Variants in FARS2 observed in about 807,000 individuals in gnomAD.
FARS2 encodes phenylalanyl-tRNA synthetase 2, mitochondrial, also known as phenylalanine--tRNA ligase, mitochondrial.
FARS2 carries 40 observed loss-of-function variants against 46.4 expected under a neutral mutation model. That is an observed-to-expected ratio of 0.86 (90% CI 0.67 to 1.12). FARS2 has a LOEUF of 1.12. Among genes scored for constraint, FARS2 ranks in the 50% most tolerant of loss-of-function variants. The probability of loss-of-function intolerance (pLI) is 0.00; values close to 1 mark genes in which losing one functional copy is unlikely to be tolerated. For missense variants in FARS2, 513 were observed against 567.9 expected (o/e 0.90, Z 0.98); for synonymous variants, 234 against 214.9 (o/e 1.09, Z -0.78).
chr6:5,608,355 G>A (rs192170912), intron 5 of FARS2, among the ~76,000 whole-genome samples: 1 of 152,280 alleles, frequency 6.6e-6, no homozygotes, highest in Non-Finnish European at 1.5e-5. Flanking sequence ...GGTTAGACCT[G>A]TGATGAGACA....
intron 6 of FARS2, among the ~76,000 whole-genome samples, chr6:5,623,719 A>T (rs569794218): frequency 1.2e-4 from 12 of 99,490 alleles, no homozygotes; most frequent in East Asian, 3.3e-4. Flanking sequence ...CTCAAAAAAA[A>T]TAAATAAATA....
At chr6:5,465,190 G>A (rs904156599) in intron 4 of FARS2, among the ~76,000 whole-genome samples, 1 of 152,002 alleles carries the variant, frequency 6.6e-6, no homozygotes, top group African/African-American at 2.4e-5. Flanking sequence ...GCAAAAAGAG[G>A]AGAAAAAAAT....
chr6:5,444,722 C>T (rs1023230489), intron 4 of FARS2, among the ~76,000 whole-genome samples: 4 of 152,214 alleles, frequency 2.6e-5, no homozygotes, highest in Middle Eastern at 3.4e-3. Context: ...TGGGTGGACC[C>T]CCCACTCCTC....
At chr6:5,541,868 T>G (rs995242159) in intron 4 of FARS2, among the ~76,000 whole-genome samples, 1 of 152,208 alleles carries the variant, frequency 6.6e-6, no homozygotes, top group East Asian at 1.9e-4. Flanking sequence ...AGGTGGATTA[T>G]TCATGAGTTT....
intron 1 of FARS2, among the ~76,000 whole-genome samples, chr6:5,293,081 A>G (rs1289002920): frequency 1.3e-5 from 2 of 152,244 alleles, no homozygotes; most frequent in African/African-American, 4.8e-5. Flanking sequence ...TATTGGTGAC[A>G]CTGTTGGAAA....
At chr6:5,369,432 A>C (rs1475871466) in intron 2 of FARS2, among the ~76,000 whole-genome samples, 3 of 152,042 alleles carry the variant, frequency 2.0e-5, no homozygotes, top group African/African-American at 7.2e-5. Flanking sequence ...CCTTTCTCTC[A>C]ATACTGACCC....
At chr6:5,360,940 A>G (rs2753221) in intron 1 of FARS2, among the ~76,000 whole-genome samples, 70,142 of 152,066 alleles carry the variant, frequency 0.46, 18,233 homozygotes, top group African/African-American at 0.72. Context: ...TGAACCAAAG[A>G]AGCCACAGAA....
chr6:5,705,050 G>A (rs992630835), intron 6 of FARS2, among the ~76,000 whole-genome samples: 2 of 152,084 alleles, frequency 1.3e-5, no homozygotes, highest in African/African-American at 4.8e-5. Context: ...ATCTCTCTAA[G>A]CCTATCAGGT....
chr6:5,706,007 A>G (rs574757620), intron 6 of FARS2, among the ~76,000 whole-genome samples: 9 of 152,026 alleles, frequency 5.9e-5, no homozygotes, highest in Non-Finnish European at 1.0e-4. Flanking sequence ...GCAGTCCCCA[A>G]CGTTTTTGGC....
chr6:5,629,085 G>A (rs1197688545), intron 6 of FARS2, among the ~76,000 whole-genome samples: 3 of 152,226 alleles, frequency 2.0e-5, no homozygotes, highest in Non-Finnish European at 2.9e-5. Flanking sequence ...ATGTCAGGTT[G>A]TAACACATCT....
intron 1 of FARS2, among the ~76,000 whole-genome samples, chr6:5,267,082 G>A (rs570901947): frequency 1.3e-5 from 2 of 151,462 alleles, no homozygotes; most frequent in South Asian, 4.2e-4. Context: ...CGTATTTGTG[G>A]GCAGTAACAA....
chr6:5,342,468 A>G (rs940959946), intron 1 of FARS2, among the ~76,000 whole-genome samples: 1 of 152,226 alleles, frequency 6.6e-6, no homozygotes, highest in Non-Finnish European at 1.5e-5. Flanking sequence ...CAACTAGACC[A>G]GTTATAGAAT....
At chr6:5,670,163 A>G (rs1413992339) in intron 6 of FARS2, among the ~76,000 whole-genome samples, 2 of 152,224 alleles carry the variant, frequency 1.3e-5, no homozygotes, top group Admixed American at 6.5e-5. Flanking sequence ...ATAGGCGCTT[A>G]TGCCCAGAGT....
At chr6:5,470,634 C>G (rs1053930953) in intron 4 of FARS2, among the ~76,000 whole-genome samples, 3 of 151,996 alleles carry the variant, frequency 2.0e-5, no homozygotes, top group Non-Finnish European at 4.4e-5. Flanking sequence ...GGATTTGTTC[C>G]GTATAGTTTG....
intron 4 of FARS2, among the ~76,000 whole-genome samples, chr6:5,456,378 C>G (rs1358729710): frequency 6.6e-6 from 1 of 152,034 alleles, no homozygotes; most frequent in Non-Finnish European, 1.5e-5. Context: ...CTATTTAGTC[C>G]CAATTTATGA....
intron 6 of FARS2, among the ~76,000 whole-genome samples, chr6:5,623,573 G>A (rs1281531810): frequency 2.0e-5 from 3 of 152,046 alleles, no homozygotes; most frequent in South Asian, 2.1e-4. Context: ...TTAGCCAGAC[G>A]TGGTGGCACG....
intron 6 of FARS2, among the ~76,000 whole-genome samples, chr6:5,623,772 G>A (rs1775898371): frequency 6.6e-6 from 1 of 152,066 alleles, no homozygotes; most frequent in Non-Finnish European, 1.5e-5. Context: ...GGTCAGCAGA[G>A]TTATATAGCC....
intron 3 of FARS2, among the ~76,000 whole-genome samples, chr6:5,430,141 G>T (rs1763079535): frequency 1.3e-5 from 2 of 152,096 alleles, no homozygotes; most frequent in African/African-American, 4.8e-5. Context: ...GAGTCCTTTA[G>T]CAAAGTGTTG....
At chr6:5,264,454 C>G (rs1424978838) in intron 1 of FARS2, among the ~76,000 whole-genome samples, 1 of 151,690 alleles carries the variant, frequency 6.6e-6, no homozygotes, top group East Asian at 1.9e-4. Flanking sequence ...TTATTGAACA[C>G]TTCCTAAGTA....
Sources: allele counts gnomAD v4.1 joint callset (sites outside exome capture counted in the v4.1 genomes callset), GRCh38; gene constraint gnomAD v4.1.1; transcripts MANE v1.5; gene names NCBI Gene and HGNC (gene_info 2026-07-23, HGNC 2026-07-21).